DORIP1: variants seen among roughly 807,000 people sequenced by gnomAD.
The protein encoded by DORIP1 is dopamine receptor-interacting protein 1.
chr14:44,904,356 C>A, the DORIP1 span: 1 of 1,580,138 alleles, frequency 6.3e-7, no homozygotes, highest in Non-Finnish European at 8.6e-7. Flanking sequence ...CCAGCTTTGT[C>A]CCAAGTGTAA....
the DORIP1 span, chr14:44,903,801 A>G: frequency 1.9e-4 from 182 of 981,770 alleles, no homozygotes; most frequent in Non-Finnish European, 2.1e-4. Flanking sequence ...GTACCTATTA[A>G]GTCCAGAAAG....
the DORIP1 span, chr14:44,900,835 A>G: frequency 6.2e-7 from 1 of 1,614,104 alleles, no homozygotes; most frequent in Non-Finnish European, 8.5e-7. Context: ...TTTGTTTGGG[A>G]ATGAGCATGA....
chr14:44,900,796 G>A, the DORIP1 span: 1 of 1,614,074 alleles, frequency 6.2e-7, no homozygotes, highest in Non-Finnish European at 8.5e-7. Context: ...ATACAAATCT[G>A]AAGTCCATAA....
chr14:44,903,620 G>A, the DORIP1 span: 2 of 1,004,746 alleles, frequency 2.0e-6, no homozygotes, highest in Non-Finnish European at 1.2e-6. Context: ...AGAGGTAAAT[G>A]ACAACTAAAA....
chr14:44,898,602 GTTT>G, the DORIP1 span, among the ~76,000 whole-genome samples: 2 of 151,704 alleles, frequency 1.3e-5, no homozygotes, highest in Non-Finnish European at 2.9e-5. Flanking sequence ...ATGCATAACT[GTTT>G]TTTAAAATCT....
chr14:44,900,754 C>T, the DORIP1 span: 1 of 1,614,078 alleles, frequency 6.2e-7, no homozygotes, highest in Middle Eastern at 1.7e-4. Flanking sequence ...TGTGAAGCTA[C>T]TTTGGATTTG....
At chr14:44,906,092 G>A in the DORIP1 span, 1 of 150,090 alleles carries the variant, frequency 6.7e-6, no homozygotes, top group African/African-American at 2.5e-5. Context: ...TATCCCTGCA[G>A]CAATTTTTTA....
At chr14:44,906,731 T>C in the DORIP1 span, 1 of 152,624 alleles carries the variant, frequency 6.6e-6, no homozygotes, top group Non-Finnish European at 1.5e-5. Context: ...TGAGATTAGT[T>C]GCAATATATT....
the DORIP1 span, among the ~76,000 whole-genome samples, chr14:44,902,170 A>G: frequency 6.6e-6 from 1 of 152,172 alleles, no homozygotes; most frequent in African/African-American, 2.4e-5. Context: ...AATAATTATC[A>G]AGTCATAAAG....
chr14:44,904,549 T>C, the DORIP1 span: 1 of 1,558,748 alleles, frequency 6.4e-7, no homozygotes, highest in Non-Finnish European at 8.6e-7. Context: ...TTTGTTGTTG[T>C]TTCTTTATAA....
chr14:44,900,318 C>A, the DORIP1 span: 1 of 1,000,086 alleles, frequency 1.0e-6, no homozygotes, highest in Non-Finnish European at 1.3e-6. Flanking sequence ...GTTGGGAGGC[C>A]TAATAACCAC....
At chr14:44,897,736 G>A in the DORIP1 span, among the ~76,000 whole-genome samples, 2 of 152,068 alleles carry the variant, frequency 1.3e-5, no homozygotes, top group African/African-American at 4.8e-5. Flanking sequence ...TCGGGGACCC[G>A]CCCGCCTCGG....
chr14:44,906,794 G>C, the DORIP1 span: 1 of 152,578 alleles, frequency 6.6e-6, no homozygotes, highest in Admixed American at 6.5e-5. Context: ...AACTGCTAAA[G>C]TGCTTGGTGC....
At chr14:44,897,515 A>T in the DORIP1 span, 1 of 203,034 alleles carries the variant, frequency 4.9e-6, no homozygotes, top group Non-Finnish European at 9.7e-6. Flanking sequence ...CTCCATGAGC[A>T]GGCGGCGGCG....
chr14:44,900,950 T>G, the DORIP1 span: 3 of 1,571,436 alleles, frequency 1.9e-6, no homozygotes, highest in Middle Eastern at 1.7e-4. Context: ...CAGCGCACAA[T>G]TAATATAAAG....
At chr14:44,899,823 A>T in the DORIP1 span, among the ~76,000 whole-genome samples, 1 of 134,396 alleles carries the variant, frequency 7.4e-6, no homozygotes, top group African/African-American at 3.4e-5. Context: ...TTCATTTAGG[A>T]ATTTTTTTTT....
the DORIP1 span, among the ~76,000 whole-genome samples, chr14:44,898,145 CCTT>C: frequency 1.3e-5 from 2 of 152,288 alleles, no homozygotes; most frequent in East Asian, 3.9e-4. Flanking sequence ...ATCCTCCAGT[CCTT>C]CTAATTACAG....
chr14:44,902,181 AC>A, the DORIP1 span, among the ~76,000 whole-genome samples: 1 of 152,200 alleles, frequency 6.6e-6, no homozygotes, highest in Non-Finnish European at 1.5e-5. Context: ...AGTCATAAAG[AC>A]AACTCAGAAG....
the DORIP1 span, chr14:44,904,263 A>G: frequency 2.8e-6 from 4 of 1,418,304 alleles, no homozygotes; most frequent in Admixed American, 1.1e-4. Flanking sequence ...CCCTATAACT[A>G]TAGGTATTAA....
Sources: gnomAD v4.1 joint callset for allele counts (sites outside exome capture counted in the v4.1 genomes callset) on GRCh38, gnomAD v4.1.1 for gene constraint, MANE v1.5 for transcripts, NCBI Gene and HGNC (gene_info 2026-07-23, HGNC 2026-07-21) for gene names.